SPOCK3: variants seen among roughly 807,000 people sequenced by gnomAD.
SPOCK3 encodes the protein testican-3.
A neutral mutation model predicts 56.6 loss-of-function variants in SPOCK3; 30 were observed. The ratio of observed to expected loss-of-function variants is 0.53; its 90% CI spans 0.40 to 0.72. SPOCK3 has a LOEUF of 0.72. Among genes scored for constraint, SPOCK3 ranks in the 30% least tolerant of loss-of-function variants. SPOCK3 has a pLI of 0.00. For synonymous variants in SPOCK3, 196 were observed against 183.3 expected, an observed-to-expected ratio of 1.07 and a Z score of -0.56; for missense variants, 527 against 530.0, an observed-to-expected ratio of 0.99 and a Z score of 0.06.
intron 2 of SPOCK3, among the ~76,000 whole-genome samples, chr4:167,116,690 C>T (rs1258125631): frequency 4.7e-5 from 4 of 84,918 alleles, no homozygotes; most frequent in East Asian, 2.9e-4. Context: ...TATATACACA[C>T]ATATAGTATA....
In SPOCK3 at chr4:166,851,213, C is replaced by T. The variant is rs531668641; in HGVS notation, c.589+37917G>A. ...GCACTCCCTAGCAGGGGCAGACTGA[C>T]ACCTCACACGGCCGGGTACTCCAAC... On this transcript the variant is annotated intron_variant, in intron 6 of 10. Transcript: ENST00000357545. Among the ~76,000 whole-genome samples the T allele has an allele frequency of 5.9e-3, 892 of 152,294 alleles. 7 individuals are homozygous for T. Among genetic ancestry groups the T allele is most frequent in the African/African-American group, 0.02 (844 of 41,554 alleles).
intron 5 of SPOCK3, among the ~76,000 whole-genome samples, chr4:166,889,872 C>T (rs936389757): frequency 6.6e-6 from 1 of 151,838 alleles, no homozygotes; most frequent in East Asian, 1.9e-4. Context: ...ACATAGAGAA[C>T]AAACATATAT....
intron 2 of SPOCK3, among the ~76,000 whole-genome samples, chr4:167,105,658 G>A (rs1393029580): frequency 6.6e-6 from 1 of 150,906 alleles, no homozygotes; most frequent in Non-Finnish European, 1.5e-5. Flanking sequence ...AATGTTAAAT[G>A]GACTAAATTA....
chr4:166,853,744 T>C (rs188259263), intron 6 of SPOCK3, among the ~76,000 whole-genome samples: 94 of 152,102 alleles, frequency 6.2e-4, no homozygotes, highest in African/African-American at 2.2e-3. Flanking sequence ...TAGCTGGGCA[T>C]GGTGGCACGT....
intron 2 of SPOCK3, among the ~76,000 whole-genome samples, chr4:167,159,218 C>A (rs1765070678): frequency 6.6e-6 from 1 of 151,864 alleles, no homozygotes; most frequent in East Asian, 1.9e-4. Flanking sequence ...GAAAAAATGT[C>A]TTTTTAACAT....
At chr4:166,794,555 A>G in intron 6 of SPOCK3, among the ~76,000 whole-genome samples, 1 of 151,972 alleles carries the variant, frequency 6.6e-6, no homozygotes. Context: ...TCAACAAAAA[A>G]TTTTTAAAAT....
chr4:166,851,999 G>C (rs890666332), intron 6 of SPOCK3, among the ~76,000 whole-genome samples: 8 of 151,534 alleles, frequency 5.3e-5, no homozygotes, highest in Admixed American at 3.3e-4. Context: ...CCTTTGTAGG[G>C]ACATGGATGA....
intron 2 of SPOCK3, among the ~76,000 whole-genome samples, chr4:167,146,559 A>G (rs774035202): frequency 1.2e-4 from 19 of 152,160 alleles, no homozygotes; most frequent in Admixed American, 3.9e-4. Flanking sequence ...ACATCATTGG[A>G]AATAAAACAC....
At chr4:167,011,814 C>T (rs892518365) in intron 3 of SPOCK3, among the ~76,000 whole-genome samples, 2 of 152,094 alleles carry the variant, frequency 1.3e-5, no homozygotes, top group Non-Finnish European at 1.5e-5. Flanking sequence ...AATTATATTC[C>T]ATCCTTCATT....
chr4:166,856,747 C>G (rs1367753779), intron 6 of SPOCK3, among the ~76,000 whole-genome samples: 2 of 151,938 alleles, frequency 1.3e-5, no homozygotes, highest in Non-Finnish European at 2.9e-5. Context: ...GCACTCCAGC[C>G]TAGGTGACAG....
At chr4:167,054,075 T>C (rs1489751003) in intron 3 of SPOCK3, among the ~76,000 whole-genome samples, 1 of 152,218 alleles carries the variant, frequency 6.6e-6, no homozygotes, top group Non-Finnish European at 1.5e-5. Context: ...CATATTTTCC[T>C]TCTAAATCTT....
chr4:166,764,526 T>A (rs566706424), intron 7 of SPOCK3, among the ~76,000 whole-genome samples: 29 of 152,266 alleles, frequency 1.9e-4, no homozygotes, highest in Admixed American at 1.7e-3. Context: ...GAACTCATCC[T>A]TTTTTATGGC....
chr4:167,190,250 G>C lies in SPOCK3; in HGVS notation c.189+43735C>G, dbSNP rs899522261. ...TCCAGTTCCACCAACAGTGTATAAG[G>C]CTTCCCTTTTTGACACCCTCACCAA... On this transcript the variant is annotated intron_variant, in intron 2 of 10. Transcript: ENST00000357545. Among the ~76,000 whole-genome samples, 4 of 145,442 alleles carry C rather than the reference G, an allele frequency of 2.8e-5. 1 individual carries two copies. Among genetic ancestry groups the C allele is most frequent in the Non-Finnish European group, 6.0e-5 (4 of 66,640 alleles).
intron 6 of SPOCK3, among the ~76,000 whole-genome samples, chr4:166,843,802 A>T (rs1033561586): frequency 6.6e-6 from 1 of 152,224 alleles, no homozygotes; most frequent in Non-Finnish European, 1.5e-5. Flanking sequence ...TAGTTTGGCA[A>T]TGTAACTTCC....
At chr4:166,974,918 T>G (rs1259030591) in intron 4 of SPOCK3, among the ~76,000 whole-genome samples, 1 of 152,214 alleles carries the variant, frequency 6.6e-6, no homozygotes, top group East Asian at 1.9e-4. Flanking sequence ...CAGAAGTGAT[T>G]AGGTCATGAG....
intron 2 of SPOCK3, among the ~76,000 whole-genome samples, chr4:167,174,876 TC>T (rs1303461238): frequency 1.3e-5 from 2 of 152,062 alleles, no homozygotes; most frequent in Admixed American, 6.6e-5. Context: ...GAGAAACTAA[TC>T]TTTTTTTTTT....
chr4:167,090,534 G>A (rs931720088), intron 2 of SPOCK3, among the ~76,000 whole-genome samples: 1 of 149,688 alleles, frequency 6.7e-6, no homozygotes, highest in Non-Finnish European at 1.5e-5. Flanking sequence ...ACAGAGTTTT[G>A]CTCTTGCTGC....
chr4:167,207,268 T>G (rs923073623), intron 2 of SPOCK3, among the ~76,000 whole-genome samples: 3 of 152,052 alleles, frequency 2.0e-5, no homozygotes, highest in Non-Finnish European at 4.4e-5. Flanking sequence ...AAACTATTAC[T>G]TTGACAAAAT....
At chr4:166,940,850 A>G (rs1740973851) in intron 4 of SPOCK3, among the ~76,000 whole-genome samples, 1 of 144,744 alleles carries the variant, frequency 6.9e-6, no homozygotes, top group Non-Finnish European at 1.5e-5. Flanking sequence ...TCCTCTTCCC[A>G]CCTCCTTATG....
Sources: gnomAD v4.1 joint callset for allele counts (sites outside exome capture counted in the v4.1 genomes callset) on GRCh38, gnomAD v4.1.1 for gene constraint, MANE v1.5 for transcripts, NCBI Gene and HGNC (gene_info 2026-07-23, HGNC 2026-07-21) for gene names.